Variants in SLK observed in about 807,000 individuals in gnomAD.
SLK encodes STE20 like kinase, also known as STE20-like serine/threonine-protein kinase.
A neutral mutation model predicts 147.7 loss-of-function variants in SLK; 67 were observed. That is an observed-to-expected ratio of 0.45 (90% CI 0.37 to 0.56). The LOEUF (loss-of-function observed/expected upper bound fraction) is 0.56. Ranked by LOEUF, SLK falls within the 20% of genes least tolerant of loss-of-function variation. The pLI, the probability that SLK is intolerant of heterozygous loss-of-function variation, is 0.00. For missense variants in SLK, 1,136 were observed against 1,438.8 expected, an observed-to-expected ratio of 0.79 and a Z score of 3.41; for synonymous variants, 441 against 475.0, an observed-to-expected ratio of 0.93 and a Z score of 0.93.
In SLK at chr10:104,005,616, G is replaced by A; in HGVS notation, c.2405G>A (p.Gly802Asp). 6.2e-7 allele frequency: 1 copy of A among 1,606,752 alleles called. No homozygotes were observed. The highest frequency in any genetic ancestry group is 8.5e-7 in the Non-Finnish European group (1 of 1,176,000). ...LKKTRKFIVDGVEVSVTTSKI... is the reference protein window; with the variant it reads ...LKKTRKFIVDDVEVSVTTSKI... ...AAAACACGCAAATTTATTGTTGATGGTGTAGAAGTGAGTGTAACAACATCA... is the reference window on the plus strand; with the variant it reads ...AAAACACGCAAATTTATTGTTGATGATGTAGAAGTGAGTGTAACAACATCA... Residue 802 changes from glycine to aspartate, a missense_variant, in exon 10 of 19, where the codon GGT becomes GAT. Transcript: ENST00000369755.
intron 1 of SLK, among the ~76,000 whole-genome samples, chr10:103,979,793 C>T (rs1273636528): frequency 1.3e-5 from 2 of 152,076 alleles, no homozygotes; most frequent in Non-Finnish European, 2.9e-5. Flanking sequence ...CACATATTTT[C>T]TTTTGCATTG....
At chr10:104,019,655 C>A (rs1026584467) in intron 15 of SLK, 79 bp from the exon 16 acceptor site, 3 of 1,096,126 alleles carry the variant, frequency 2.7e-6, no homozygotes, top group South Asian at 1.4e-5. Context: ...ACAACAATAA[C>A]AAAATGACAT....
At chr10:103,977,112 A>C (rs1033922232) in intron 1 of SLK, among the ~76,000 whole-genome samples, 1 of 151,996 alleles carries the variant, frequency 6.6e-6, no homozygotes, top group African/African-American at 2.4e-5. Flanking sequence ...TGTCTATTAA[A>C]ATTTTTGGTT....
chr10:103,973,475 G>A (rs1013475493), intron 1 of SLK, among the ~76,000 whole-genome samples: 1 of 152,156 alleles, frequency 6.6e-6, no homozygotes, highest in Non-Finnish European at 1.5e-5. Context: ...GGCCCTTAGG[G>A]CTTCTATGTA....
chr10:104,022,803 T>C (rs974735127), intron 18 of SLK, among the ~76,000 whole-genome samples: 6 of 152,248 alleles, frequency 3.9e-5, no homozygotes, highest in African/African-American at 1.4e-4. Flanking sequence ...AGACGGGGCT[T>C]CGCCATGTTG....
chr10:103,977,983 A>C (rs184101225), intron 1 of SLK, among the ~76,000 whole-genome samples: 239 of 152,262 alleles, frequency 1.6e-3, no homozygotes, highest in South Asian at 1.7e-3. Context: ...CTATCCATCC[A>C]TTCATCCATT....
At chr10:104,025,453 G>T in intron 18 of SLK, 121 bp from the exon 19 acceptor site, 1 of 914,440 alleles carries the variant, frequency 1.1e-6, no homozygotes, top group Non-Finnish European at 1.6e-6. Context: ...GAGCAGGCGT[G>T]TCTTCTTGAG....
At chr10:104,023,003 G>T (rs1389650078) in intron 18 of SLK, among the ~76,000 whole-genome samples, 1 of 152,214 alleles carries the variant, frequency 6.6e-6, no homozygotes, top group Non-Finnish European at 1.5e-5. Flanking sequence ...GTACAGAATT[G>T]TAAACGGTGT....
At chr10:103,973,641 CT>C (rs967941710) in intron 1 of SLK, among the ~76,000 whole-genome samples, 14 of 152,158 alleles carry the variant, frequency 9.2e-5, no homozygotes, top group African/African-American at 3.4e-4. Context: ...GTCTTTTTTA[CT>C]ATCTTAATAA....
At chr10:104,013,862 G>A (rs2134519426) in intron 13 of SLK, among the ~76,000 whole-genome samples, 1 of 152,336 alleles carries the variant, frequency 6.6e-6, no homozygotes, top group East Asian at 1.9e-4. Flanking sequence ...TTAGACTTCA[G>A]TATTCTTCAG....
At position 104,001,592 on chromosome 10, in the gene SLK, A is replaced by G. The variant is rs779037746; in HGVS notation, c.993+20A>G. ...TCTCTGGTCAGTATTTAGGAAAGAA[A>G]TTTCATTTAGTGAATAGAGTTCGGT... On this transcript the variant is annotated intron_variant, in intron 8 of 18. Transcript: ENST00000369755. 3 of 1,613,146 alleles carry G rather than the reference A, an allele frequency of 1.9e-6. No homozygotes were observed. The highest frequency in any genetic ancestry group is 2.7e-5 in the African/African-American group (2 of 74,904).
intron 1 of SLK, among the ~76,000 whole-genome samples, chr10:103,981,404 A>T (rs1486716651): frequency 1.3e-5 from 2 of 152,104 alleles, no homozygotes; most frequent in African/African-American, 2.4e-5. Context: ...GTCATATCTC[A>T]GAATTCATTG....
chr10:103,999,227 A>T lies in SLK; in HGVS notation c.696A>T (p.Glu232Asp). 6.2e-7 allele frequency: 1 copy of T among 1,613,860 alleles called. No individual in the cohort carries two copies. Among genetic ancestry groups the T allele is most frequent in the Non-Finnish European group, 8.5e-7 (1 of 1,179,816 alleles). ...CTTTAATAGAAATGGCTGAGATAGA[A>T]CCACCTCATCATGAATTAAATCCAA... The part of the protein sequence containing the change: ...GITLIEMAEI[E>D]PPHHELNPMR... Residue 232 changes from glutamate to aspartate, a missense_variant, in exon 6 of 19, where the codon GAA (glutamate) becomes GAT (aspartate). Physicochemically the swap from Glu to Asp is conservative, Grantham distance 45 (BLOSUM62 2). Coordinates refer to ENST00000369755, the MANE Select transcript of SLK (RefSeq NM_014720.4).
At chr10:104,015,156 C>T (rs978537285) in intron 13 of SLK, among the ~76,000 whole-genome samples, 8 of 151,992 alleles carry the variant, frequency 5.3e-5, no homozygotes, top group Non-Finnish European at 1.0e-4. Context: ...ATACAGTGTC[C>T]GACTACATAG....
chr10:104,018,809 C>T lies in SLK; in HGVS notation c.3033C>T (p.Leu1011=), dbSNP rs780954586. The T allele has an allele frequency of 1.3e-5, 21 of 1,611,832 alleles. No homozygotes were observed. The highest frequency in any genetic ancestry group is 2.2e-5 in the East Asian group (1 of 44,820). The change falls in exon 15 of 19, where the codon CTC becomes CTT. Residue 1011 remains leucine, a synonymous_variant. Transcript: ENST00000369755. ...CTCGAGAAGCTGCAATTTGGGAGCT[C>T]GAAGAACGACACTTACAAGAAAAAC... is the stretch of plus-strand genomic sequence containing the variant. ...MRAREAAIWE[L]EERHLQEKHQ...
chr10:103,988,322 C>T (rs1589530645), intron 1 of SLK, among the ~76,000 whole-genome samples: 1 of 152,152 alleles, frequency 6.6e-6, no homozygotes, highest in Non-Finnish European at 1.5e-5. Flanking sequence ...CAAAGTGATC[C>T]TTATGTCAGA....
At chr10:104,022,110 A>G (rs1048483025) in intron 18 of SLK, among the ~76,000 whole-genome samples, 1 of 152,076 alleles carries the variant, frequency 6.6e-6, no homozygotes, top group Non-Finnish European at 1.5e-5. Context: ...GAATGGGATG[A>G]TTTGAGTAGG....
chr10:103,989,464 C>CTTT (rs68033075), intron 1 of SLK, among the ~76,000 whole-genome samples: 5 of 78,612 alleles, frequency 6.4e-5, no homozygotes, highest in African/African-American at 1.0e-4. Context: ...GTGGCAGTTT[C>CTTT]TTTTTTTTTT....
chr10:104,025,503 T>C (rs1844585832), intron 18 of SLK, 71 bp from the exon 19 acceptor site: 2 of 1,441,282 alleles, frequency 1.4e-6, no homozygotes, highest in African/African-American at 1.4e-5. Flanking sequence ...AGTAGTTTTA[T>C]CTTGGCTGTC....
Sources: gnomAD v4.1 joint callset for allele counts (sites outside exome capture counted in the v4.1 genomes callset) on GRCh38, gnomAD v4.1.1 for gene constraint, MANE v1.5 for transcripts, NCBI Gene and HGNC (gene_info 2026-07-23, HGNC 2026-07-21) for gene names.